Variants in PDE1A observed in about 807,000 individuals in gnomAD.
PDE1A encodes the protein dual specificity calcium/calmodulin-dependent 3',5'-cyclic nucleotide phosphodiesterase 1A.
PDE1A carries 35 observed loss-of-function variants against 61.7 expected under a neutral mutation model. The observed-to-expected ratio is 0.57, with a 90% confidence interval of 0.43 to 0.75. The LOEUF is 0.75. PDE1A is among the 30% of genes least tolerant of loss of function. The probability of loss-of-function intolerance (pLI) is 0.00; values close to 1 mark genes in which losing one functional copy is unlikely to be tolerated. For missense variants in PDE1A, 597 were observed against 630.6 expected (o/e 0.95, Z 0.57); for synonymous variants, 232 against 213.2 (o/e 1.09, Z -0.77).
the PDE1A span, among the ~76,000 whole-genome samples, chr2:182,554,863 G>A: frequency 3.9e-5 from 6 of 152,114 alleles, no homozygotes; most frequent in Non-Finnish European, 7.3e-5. Context: ...AACGAAGTCA[G>A]TATTTCCTTA....
the PDE1A span, among the ~76,000 whole-genome samples, chr2:182,535,901 C>T: frequency 6.6e-6 from 1 of 152,172 alleles, no homozygotes; most frequent in African/African-American, 2.4e-5. Flanking sequence ...TTGCCACTTT[C>T]ATTGAAGATC....
the PDE1A span, among the ~76,000 whole-genome samples, chr2:182,601,231 CAT>C: frequency 1.3e-5 from 2 of 152,326 alleles, no homozygotes; most frequent in South Asian, 4.1e-4. Flanking sequence ...GGCCACTGCA[CAT>C]AGTCACACTG....
intron 2 of PDE1A, among the ~76,000 whole-genome samples, chr2:182,452,173 A>G (rs557904277): frequency 3.9e-5 from 6 of 152,224 alleles, no homozygotes; most frequent in Admixed American, 3.3e-4. Flanking sequence ...TGTACGTAAG[A>G]ACTCAAGTAC....
At chr2:182,706,422 TG>T in the PDE1A span, among the ~76,000 whole-genome samples, 1 of 152,166 alleles carries the variant, frequency 6.6e-6, no homozygotes, top group African/African-American at 2.4e-5. Flanking sequence ...AAAATGCCCC[TG>T]GAAAGAGCAT....
At chr2:182,510,143 C>T (rs1023159487) in intron 2 of PDE1A, among the ~76,000 whole-genome samples, 5 of 151,774 alleles carry the variant, frequency 3.3e-5, no homozygotes, top group African/African-American at 7.3e-5. Flanking sequence ...TAAAAGTCCA[C>T]GTTTTTAAAT....
At chr2:182,535,582 T>C in the PDE1A span, among the ~76,000 whole-genome samples, 1 of 152,188 alleles carries the variant, frequency 6.6e-6, no homozygotes, top group South Asian at 2.1e-4. Context: ...GAGTTTTAGT[T>C]AGGTAATCCT....
the PDE1A span, among the ~76,000 whole-genome samples, chr2:182,556,181 T>C: frequency 6.6e-6 from 1 of 152,026 alleles, no homozygotes; most frequent in Non-Finnish European, 1.5e-5. Context: ...ATTGAAATTA[T>C]TTGAGATGGT....
At chr2:182,663,975 C>G in the PDE1A span, among the ~76,000 whole-genome samples, 1 of 151,900 alleles carries the variant, frequency 6.6e-6, no homozygotes, top group Non-Finnish European at 1.5e-5. Context: ...TATCTGAAAC[C>G]CTTTTATATA....
chr2:182,278,323 CACAA>C (rs768265603), intron 1 of PDE1A, among the ~76,000 whole-genome samples: 11 of 151,990 alleles, frequency 7.2e-5, no homozygotes, highest in Non-Finnish European at 4.4e-5. Flanking sequence ...GTGGATATAA[CACAA>C]ACAATCATCA....
At chr2:182,285,437 A>C (rs1267208700) in intron 1 of PDE1A, among the ~76,000 whole-genome samples, 1 of 152,116 alleles carries the variant, frequency 6.6e-6, no homozygotes, top group Non-Finnish European at 1.5e-5. Flanking sequence ...AGGACACTTA[A>C]CAGAGGGAGG....
intron 1 of PDE1A, among the ~76,000 whole-genome samples, chr2:182,381,070 C>G (rs1000847213): frequency 6.6e-6 from 1 of 152,044 alleles, no homozygotes; most frequent in Non-Finnish European, 1.5e-5. Flanking sequence ...GAGCTCTAAG[C>G]ACTTAGAATC....
intron 13 of PDE1A, chr2:182,168,352 G>T: frequency 7.0e-7 from 1 of 1,420,354 alleles, no homozygotes; most frequent in South Asian, 1.3e-5. Flanking sequence ...AAGAAGTTAT[G>T]AAAAAAAGTA....
the PDE1A span, among the ~76,000 whole-genome samples, chr2:182,556,395 T>C: frequency 6.6e-6 from 1 of 152,192 alleles, no homozygotes; most frequent in African/African-American, 2.4e-5. Flanking sequence ...AGCAGTTAAA[T>C]TGGTTTACAA....
chr2:182,562,215 T>C, the PDE1A span, among the ~76,000 whole-genome samples: 1 of 152,176 alleles, frequency 6.6e-6, no homozygotes, highest in African/African-American at 2.4e-5. Flanking sequence ...TCTTATTATG[T>C]TGAGATACGT....
intron 2 of PDE1A, among the ~76,000 whole-genome samples, chr2:182,473,333 G>A (rs1026072165): frequency 2.6e-5 from 4 of 151,794 alleles, no homozygotes; most frequent in Non-Finnish European, 5.9e-5. Context: ...CCATCAGAGT[G>A]AACAGGCAAC....
chr2:182,301,855 C>T (rs1159940316), intron 1 of PDE1A, among the ~76,000 whole-genome samples: 1 of 152,102 alleles, frequency 6.6e-6, no homozygotes, highest in Non-Finnish European at 1.5e-5. Context: ...GTCTTTGTTA[C>T]CCATAGGACA....
chr2:182,448,560 A>G (rs963554620), intron 2 of PDE1A, among the ~76,000 whole-genome samples: 1 of 152,090 alleles, frequency 6.6e-6, no homozygotes, highest in Non-Finnish European at 1.5e-5. Flanking sequence ...TAGAACTGAA[A>G]GAAAAAACTT....
chr2:182,182,777 C>G (rs994905703), intron 13 of PDE1A, among the ~76,000 whole-genome samples: 1 of 151,688 alleles, frequency 6.6e-6, no homozygotes, highest in Non-Finnish European at 1.5e-5. Context: ...GTAGCCAATC[C>G]GTTTTAAAAA....
intron 2 of PDE1A, among the ~76,000 whole-genome samples, chr2:182,255,076 C>T (rs1246902743): frequency 6.6e-6 from 1 of 152,070 alleles, no homozygotes. Context: ...GGATGTGAAG[C>T]TTGGAAATAC....
Sources: gnomAD v4.1 joint callset for allele counts (sites outside exome capture counted in the v4.1 genomes callset) on GRCh38, gnomAD v4.1.1 for gene constraint, MANE v1.5 for transcripts, NCBI Gene and HGNC (gene_info 2026-07-23, HGNC 2026-07-21) for gene names.